STK32B: variants seen among roughly 807,000 people sequenced by gnomAD.
STK32B encodes serine/threonine kinase 32B.
Under a neutral mutation model 52.6 loss-of-function variants are expected in STK32B, and 43 were observed. That is an observed-to-expected ratio of 0.82 (90% CI 0.64 to 1.05). The LOEUF (loss-of-function observed/expected upper bound fraction) is 1.05. Among genes scored for constraint, STK32B ranks in the 50% least tolerant of loss-of-function variants. The probability of loss-of-function intolerance (pLI) is 0.00; values close to 1 mark genes in which losing one functional copy is unlikely to be tolerated. For synonymous variants in STK32B, 238 were observed against 204.3 expected (o/e 1.17, Z -1.41); for missense variants, 621 against 534.6 (o/e 1.16, Z -1.59).
At chr4:5,452,351 G>A (rs780744747) in intron 7 of STK32B, among the ~76,000 whole-genome samples, 32 of 152,158 alleles carry the variant, frequency 2.1e-4, no homozygotes, top group Middle Eastern at 3.4e-3. Flanking sequence ...TGTACAAGGC[G>A]TGGGTGGGCT....
intron 5 of STK32B, among the ~76,000 whole-genome samples, chr4:5,407,196 TA>T (rs1206449694): frequency 6.6e-6 from 1 of 152,054 alleles, no homozygotes; most frequent in Admixed American, 6.5e-5. Context: ...TGCCAACACA[TA>T]AAAAAAGTGA....
intron 3 of STK32B, among the ~76,000 whole-genome samples, chr4:5,264,516 G>A (rs1201667403): frequency 6.6e-6 from 1 of 152,088 alleles, no homozygotes; most frequent in African/African-American, 2.4e-5. Context: ...ACTGGGCGCG[G>A]TGGCTCACGC....
intron 3 of STK32B, among the ~76,000 whole-genome samples, chr4:5,274,696 CT>C (rs200239678): frequency 1.3e-5 from 2 of 151,966 alleles, no homozygotes; most frequent in Non-Finnish European, 2.9e-5. Context: ...GGTCCCCTCC[CT>C]TTTTTTGGGA....
intron 3 of STK32B, among the ~76,000 whole-genome samples, chr4:5,230,306 C>T (rs1252881888): frequency 6.7e-6 from 1 of 148,664 alleles, no homozygotes; most frequent in Admixed American, 7.0e-5. Flanking sequence ...TCTCTTGTCT[C>T]AGCCTCCAGA....
intron 3 of STK32B, among the ~76,000 whole-genome samples, chr4:5,185,366 T>C (rs976361556): frequency 1.3e-5 from 2 of 152,208 alleles, no homozygotes; most frequent in East Asian, 1.9e-4. Flanking sequence ...AGAATCATTT[T>C]TGAGTTGCAA....
chr4:5,497,051 C>T (rs1262340220), intron 11 of STK32B, among the ~76,000 whole-genome samples: 1 of 152,088 alleles, frequency 6.6e-6, no homozygotes. Flanking sequence ...GAGTTTTCAA[C>T]AATTTTTTTT....
At chr4:5,085,597 G>A (rs1409754868) in intron 1 of STK32B, among the ~76,000 whole-genome samples, 1 of 152,102 alleles carries the variant, frequency 6.6e-6, no homozygotes, top group Non-Finnish European at 1.5e-5. Context: ...ACACCAACAG[G>A]CCATTAGTGA....
At chr4:5,083,642 A>G (rs1712556263) in intron 1 of STK32B, among the ~76,000 whole-genome samples, 1 of 152,202 alleles carries the variant, frequency 6.6e-6, no homozygotes, top group South Asian at 2.1e-4. Context: ...TACATAAGTA[A>G]TAATTGGGCC....
chr4:5,439,651 T>G (rs1355424589), intron 6 of STK32B, among the ~76,000 whole-genome samples: 2 of 152,156 alleles, frequency 1.3e-5, no homozygotes, highest in African/African-American at 4.8e-5. Context: ...CCATTGCTTT[T>G]GCTGTTTTAG....
chr4:5,141,550 A>G (rs1210800866), intron 2 of STK32B, among the ~76,000 whole-genome samples: 2 of 152,088 alleles, frequency 1.3e-5, no homozygotes, highest in African/African-American at 4.8e-5. Flanking sequence ...GAGTTGCATG[A>G]TCTGTTTGTA....
intron 3 of STK32B, among the ~76,000 whole-genome samples, chr4:5,232,638 G>A (rs1181004104): frequency 1.3e-5 from 2 of 152,232 alleles, no homozygotes; most frequent in Admixed American, 1.3e-4. Context: ...ATGGTCAGGG[G>A]TGGTGCCAAT....
intron 3 of STK32B, among the ~76,000 whole-genome samples, chr4:5,232,126 G>A (rs1724314855): frequency 6.6e-6 from 1 of 152,018 alleles, no homozygotes; most frequent in African/African-American, 2.4e-5. Context: ...GGTGTGCCCT[G>A]GACCTTTTTG....
At chr4:5,031,700 G>A in the STK32B span, among the ~76,000 whole-genome samples, 5 of 152,306 alleles carry the variant, frequency 3.3e-5, no homozygotes, top group Admixed American at 1.3e-4. Flanking sequence ...GCACAGGGAT[G>A]TAAGAAGCTG....
chr4:5,196,365 TG>T (rs1721666003), intron 3 of STK32B, among the ~76,000 whole-genome samples: 1 of 115,758 alleles, frequency 8.6e-6, no homozygotes, highest in Non-Finnish European at 1.8e-5. Context: ...TTTTTGGTGG[TG>T]GGGGGCCCAC....
At chr4:5,450,935 C>G (rs1358631288) in intron 7 of STK32B, among the ~76,000 whole-genome samples, 3 of 152,118 alleles carry the variant, frequency 2.0e-5, no homozygotes, top group Admixed American at 2.0e-4. Flanking sequence ...GGCCAATGGG[C>G]TTCATGAGCA....
chr4:5,248,896 A>C (rs1004789268), intron 3 of STK32B, among the ~76,000 whole-genome samples: 7 of 149,846 alleles, frequency 4.7e-5, no homozygotes, highest in Admixed American at 2.0e-4. Context: ...GGACGCAGGA[A>C]GGGGAACATC....
intron 6 of STK32B, among the ~76,000 whole-genome samples, chr4:5,430,360 A>C (rs1193569833): frequency 6.6e-6 from 1 of 152,174 alleles, no homozygotes; most frequent in African/African-American, 2.4e-5. Flanking sequence ...ACCTATTGGA[A>C]GCATTCTTTA....
chr4:5,208,173 G>T (rs1466437888), intron 3 of STK32B, among the ~76,000 whole-genome samples: 2 of 152,148 alleles, frequency 1.3e-5, no homozygotes, highest in African/African-American at 4.8e-5. Context: ...CTTGAGCCCT[G>T]ACCATGTGAG....
intron 6 of STK32B, among the ~76,000 whole-genome samples, chr4:5,424,344 C>T (rs1330021244): frequency 6.6e-6 from 1 of 152,184 alleles, no homozygotes; most frequent in Admixed American, 6.5e-5. Flanking sequence ...TGAAGCCCCA[C>T]TTTCAAGCCA....
Sources: allele counts gnomAD v4.1 joint callset (sites outside exome capture counted in the v4.1 genomes callset), GRCh38; gene constraint gnomAD v4.1.1; transcripts MANE v1.5; gene names NCBI Gene and HGNC (gene_info 2026-07-23, HGNC 2026-07-21).